Variants in VAV2 observed in about 807,000 individuals in gnomAD.
VAV2 encodes guanine nucleotide exchange factor VAV2.
VAV2 carries 67 observed loss-of-function variants against 132.5 expected under a neutral mutation model. That is an observed-to-expected ratio of 0.51 (90% confidence interval 0.42 to 0.62). The LOEUF is 0.62. Ranked by LOEUF, VAV2 falls within the 20% of genes least tolerant of loss-of-function variation. VAV2 has a pLI of 0.00. For synonymous variants in VAV2, 492 were observed against 443.5 expected, an observed-to-expected ratio of 1.11 and a Z score of -1.37; for missense variants, 938 against 1,153.6, an observed-to-expected ratio of 0.81 and a Z score of 2.71.
At chr9:133,965,406 G>A (rs1842110768) in intron 1 of VAV2, among the ~76,000 whole-genome samples, 1 of 151,510 alleles carries the variant, frequency 6.6e-6, no homozygotes, top group Non-Finnish European at 1.5e-5. Context: ...GGCTGAGACA[G>A]GAGAATCATT....
At chr9:133,910,360 T>C (rs1039551132) in intron 2 of VAV2, among the ~76,000 whole-genome samples, 7 of 152,264 alleles carry the variant, frequency 4.6e-5, no homozygotes, top group Non-Finnish European at 1.0e-4. Flanking sequence ...CTACTCTAAC[T>C]GGCGCAAGCT....
chr9:133,868,534 G>A (rs1455192835), intron 2 of VAV2, among the ~76,000 whole-genome samples: 3 of 152,224 alleles, frequency 2.0e-5, no homozygotes, highest in South Asian at 4.1e-4. Context: ...CACAGCTTGC[G>A]GAAAGGGGAC....
chr9:133,874,796 T>C (rs1445909442), intron 2 of VAV2, among the ~76,000 whole-genome samples: 1 of 151,922 alleles, frequency 6.6e-6, no homozygotes, highest in Non-Finnish European at 1.5e-5. Flanking sequence ...CAGATTCCCA[T>C]GTGGGACCCT....
intron 1 of VAV2, among the ~76,000 whole-genome samples, chr9:133,975,327 A>AAT (rs1842471088): frequency 6.6e-6 from 1 of 152,088 alleles, no homozygotes; most frequent in Non-Finnish European, 1.5e-5. Context: ...TTGCTGGGTC[A>AAT]ATGTTATCTG....
At chr9:133,990,947 G>C (rs1292845349) in intron 1 of VAV2, among the ~76,000 whole-genome samples, 2 of 152,068 alleles carry the variant, frequency 1.3e-5, no homozygotes, top group Non-Finnish European at 2.9e-5. Flanking sequence ...CCCCCAACCC[G>C]GCAGAGAAAG....
intron 1 of VAV2, among the ~76,000 whole-genome samples, chr9:133,945,046 C>T (rs1841311373): frequency 6.6e-6 from 1 of 152,186 alleles, no homozygotes; most frequent in Non-Finnish European, 1.5e-5. Context: ...TCCCTTGAGT[C>T]ACTGCAGCAA....
intron 2 of VAV2, among the ~76,000 whole-genome samples, chr9:133,936,844 C>T (rs777657004): frequency 6.6e-6 from 1 of 152,176 alleles, no homozygotes; most frequent in Admixed American, 6.5e-5. Context: ...CTGACCGCCA[C>T]GGTGAGACAT....
intron 2 of VAV2, among the ~76,000 whole-genome samples, chr9:133,911,139 A>C (rs1179371063): frequency 6.6e-6 from 1 of 152,168 alleles, no homozygotes; most frequent in Non-Finnish European, 1.5e-5. Context: ...TACCGAAAGG[A>C]ATGTATTCAC....
chr9:133,917,596 A>G lies in VAV2; in HGVS notation c.321+21507T>C, dbSNP rs140750909. Among the ~76,000 whole-genome samples the G allele has an allele frequency of 1.6e-3, 241 of 152,270 alleles. 1 individual carries two copies. Among genetic ancestry groups the G allele is most frequent in the African/African-American group, 5.7e-3 (236 of 41,542 alleles). On this transcript the variant is annotated intron_variant, in intron 2 of 29. Transcript: ENST00000371850. ...ATCCCACAGAGGCCATGCAGTTGGG[A>G]CTTTGCCTACCCCCTCTGGGCCTCA...
At chr9:133,792,266 G>T (rs1297383227) in intron 12 of VAV2, among the ~76,000 whole-genome samples, 4 of 142,902 alleles carry the variant, frequency 2.8e-5, no homozygotes, top group African/African-American at 7.9e-5. Flanking sequence ...GGCTGTACTG[G>T]GTGGGGTGTG....
rs1392333103 is a variant in VAV2 at position 133,928,993 on chromosome 9, G to A, written c.321+10110C>T. Among the ~76,000 whole-genome samples the A allele has an allele frequency of 6.6e-6, 1 of 152,148 alleles. No individual in the cohort carries two copies. Among genetic ancestry groups the A allele is most frequent in the Admixed American group, 6.5e-5 (1 of 15,272 alleles). On this transcript the variant is annotated intron_variant, in intron 2 of 29. Coordinates refer to ENST00000371850, the MANE Select transcript of VAV2 (RefSeq NM_001134398.2). The surrounding 1 kb of genome is among the most constrained non-coding windows in gnomAD (Gnocchi z 5.4). ...GCACCACTCCCAGGAGCTTCCTCACGAGACCCAGCCCATGAAAACAGGCAG... is the reference window on the plus strand; with the variant it reads ...GCACCACTCCCAGGAGCTTCCTCACAAGACCCAGCCCATGAAAACAGGCAG...
intron 1 of VAV2, among the ~76,000 whole-genome samples, chr9:133,982,588 G>A (rs1297570379): frequency 1.3e-5 from 2 of 152,144 alleles, no homozygotes; most frequent in African/African-American, 4.8e-5. Flanking sequence ...AGGAGGGCGC[G>A]GCAGACTCCG....
intron 2 of VAV2, among the ~76,000 whole-genome samples, chr9:133,931,967 G>A (rs556717243): frequency 3.9e-4 from 59 of 152,306 alleles, no homozygotes; most frequent in East Asian, 3.5e-3. Flanking sequence ...GTGCGCTGCC[G>A]GGGTGCCTTC....
intron 10 of VAV2, 55 bp from the exon 11 acceptor site, chr9:133,796,579 C>T: frequency 1.3e-6 from 2 of 1,491,756 alleles, no homozygotes; most frequent in Non-Finnish European, 1.8e-6. Context: ...CCTGAACCCA[C>T]CCACCTGTAC....
rs747390754 is a variant in VAV2, at chr9:133,834,333, GA to G, written c.387del (p.Ser131GlnfsTer54). The G allele has an allele frequency of 6.2e-7, 1 of 1,612,356 alleles. No homozygotes were observed. On this transcript the variant is annotated frameshift_variant, in exon 4 of 30. Transcript: ENST00000371850. LOFTEE classifies it high-confidence loss of function. The surrounding 1 kb of genome is among the most constrained non-coding windows in gnomAD (Gnocchi z 5.9). ...SIAQNKGIRP[F>X]PSEETTENDD... is the part of the protein sequence containing the mutation. ...TCATTCTCTGTGGTCTCCTCTGAGGGAAAAGGCCTGCGGAAGAGAAGGCGAG... is the reference window on the plus strand; with the variant it reads ...TCATTCTCTGTGGTCTCCTCTGAGGGAAAGGCCTGCGGAAGAGAAGGCGAG...
intron 9 of VAV2, among the ~76,000 whole-genome samples, chr9:133,803,751 C>T (rs899888452): frequency 6.6e-6 from 1 of 152,206 alleles, no homozygotes; most frequent in Non-Finnish European, 1.5e-5. Flanking sequence ...GACCCTGTCA[C>T]AAAGCCCTTC....
intron 2 of VAV2, among the ~76,000 whole-genome samples, chr9:133,913,079 G>C (rs118007932): frequency 0.017 from 2,644 of 152,330 alleles, 42 homozygotes; most frequent in Non-Finnish European, 0.028. Context: ...ACAAACGTCA[G>C]CTTTGGGTGG....
rs1373226940 is a variant in VAV2 at position 133,863,799 on chromosome 9, A to T, written c.322-2367T>A. ...CACCACGGGGAACCACACTCCAGTGACCCAAAACCCAGGGCAGGGGCTGCT... is the reference window on the plus strand; with the variant it reads ...CACCACGGGGAACCACACTCCAGTGTCCCAAAACCCAGGGCAGGGGCTGCT... On this transcript the variant is annotated intron_variant, in intron 2 of 29. Coordinates refer to ENST00000371850, the MANE Select transcript of VAV2 (RefSeq NM_001134398.2). This position sits in a 1 kb window ranked among gnomAD's most constrained non-coding sequence, Gnocchi z 5.0. 2.6e-5 allele frequency among the ~76,000 whole-genome samples: 4 copies of T among 152,260 alleles called. No homozygotes were observed. The highest frequency in any genetic ancestry group is 2.0e-4 in the Admixed American group (3 of 15,300).
intron 2 of VAV2, among the ~76,000 whole-genome samples, chr9:133,905,433 C>CAAAAAAAAAAA (rs5901029): frequency 8.8e-6 from 1 of 113,288 alleles, no homozygotes; most frequent in African/African-American, 3.5e-5. Context: ...GAAACTGTCT[C>CAAAAAAAAAAA]AAAAAAAAAA....
Sources: allele counts gnomAD v4.1 joint callset (sites outside exome capture counted in the v4.1 genomes callset), GRCh38; gene constraint gnomAD v4.1.1; non-coding constraint Gnocchi (gnomAD v3.1); transcripts MANE v1.5; gene names NCBI Gene and HGNC (gene_info 2026-07-23, HGNC 2026-07-21).